Variants in SNX29 observed in about 807,000 individuals in gnomAD.
SNX29 encodes the protein sorting nexin 29.
Under a neutral mutation model 102.1 loss-of-function variants are expected in SNX29, and 78 were observed. The observed-to-expected ratio is 0.76, with a 90% confidence interval of 0.64 to 0.92. The LOEUF is 0.92. SNX29 is among the 40% of genes least tolerant of loss of function. The probability of loss-of-function intolerance (pLI) is 0.00; values close to 1 mark genes in which losing one functional copy is unlikely to be tolerated. For synonymous variants in SNX29, 580 were observed against 414.5 expected (o/e 1.40, Z -4.85); for missense variants, 1,280 against 1,061.7 (o/e 1.21, Z -2.86).
At chr16:12,119,049 T>C (rs350208) in intron 11 of SNX29, among the ~76,000 whole-genome samples, 70,480 of 151,904 alleles carry the variant, frequency 0.46, 18,064 homozygotes, top group East Asian at 0.7. Context: ...ACAATAGTGA[T>C]CCACAGCTTG....
At chr16:12,353,425 C>T (rs1029540399) in intron 15 of SNX29, among the ~76,000 whole-genome samples, 29 of 140,206 alleles carry the variant, frequency 2.1e-4, no homozygotes, top group African/African-American at 9.6e-4. Flanking sequence ...CTAAGTGCGG[C>T]ATCTCTTGCC....
intron 19 of SNX29, among the ~76,000 whole-genome samples, chr16:12,484,672 C>T (rs1316296823): frequency 6.6e-6 from 1 of 152,148 alleles, no homozygotes; most frequent in African/African-American, 2.4e-5. Flanking sequence ...CACCCTGTAC[C>T]TGGAATGGCC....
chr16:12,080,625 CCG>C (rs1182783298), intron 11 of SNX29, among the ~76,000 whole-genome samples: 1 of 152,052 alleles, frequency 6.6e-6, no homozygotes, highest in African/African-American at 2.4e-5. Context: ...AGCGATCCAC[CCG>C]CCTCAGCCTT....
At chr16:12,542,579 G>T (rs192635692) in intron 20 of SNX29, among the ~76,000 whole-genome samples, 1 of 152,106 alleles carries the variant, frequency 6.6e-6, no homozygotes, top group Non-Finnish European at 1.5e-5. Flanking sequence ...TGATCCACCC[G>T]CCTCAGCCTC....
chr16:12,114,261 A>G (rs113431681), intron 11 of SNX29, among the ~76,000 whole-genome samples: 2 of 152,196 alleles, frequency 1.3e-5, no homozygotes, highest in South Asian at 2.1e-4. Flanking sequence ...TACAGCTGCA[A>G]GTAGGCGTCC....
At chr16:12,106,234 G>C (rs1427950179) in intron 11 of SNX29, among the ~76,000 whole-genome samples, 1 of 152,156 alleles carries the variant, frequency 6.6e-6, no homozygotes, top group African/African-American at 2.4e-5. Context: ...GCTTTGCCAG[G>C]AATTGCATCG....
intron 1 of SNX29, among the ~76,000 whole-genome samples, chr16:11,991,072 G>A (rs1042507115): frequency 3.3e-5 from 5 of 152,226 alleles, no homozygotes; most frequent in African/African-American, 1.2e-4. Context: ...CCCCATTCTA[G>A]GGTATGCTAA....
intron 18 of SNX29, among the ~76,000 whole-genome samples, chr16:12,450,144 G>T (rs2086241466): frequency 6.6e-6 from 1 of 152,138 alleles, no homozygotes; most frequent in Admixed American, 6.5e-5. Flanking sequence ...TGATTCTGAG[G>T]CCTCCCCAGC....
At chr16:12,333,600 T>G (rs1458085030) in intron 15 of SNX29, among the ~76,000 whole-genome samples, 1 of 152,096 alleles carries the variant, frequency 6.6e-6, no homozygotes, top group Non-Finnish European at 1.5e-5. Flanking sequence ...CCTGGTGCTG[T>G]CTAGGTGTTG....
intron 8 of SNX29, among the ~76,000 whole-genome samples, chr16:12,060,005 C>G (rs755627664): frequency 2.6e-5 from 4 of 152,214 alleles, no homozygotes; most frequent in Middle Eastern, 3.4e-3. Context: ...TGATTATGAT[C>G]TGCTTTGGTC....
intron 18 of SNX29, among the ~76,000 whole-genome samples, chr16:12,410,246 G>A (rs959821013): frequency 6.6e-6 from 1 of 152,076 alleles, no homozygotes; most frequent in Non-Finnish European, 1.5e-5. Context: ...CACCTGCCTC[G>A]ACCTCCCAAA....
chr16:12,500,047 A>G (rs2089036656), intron 19 of SNX29, among the ~76,000 whole-genome samples: 1 of 152,058 alleles, frequency 6.6e-6, no homozygotes, highest in Non-Finnish European at 1.5e-5. Context: ...GTAGGAGTAC[A>G]GTGGCGTGAT....
At chr16:12,561,181 T>C (rs2078704178) in intron 20 of SNX29, 1 of 230,434 alleles carries the variant, frequency 4.3e-6, no homozygotes, top group Admixed American at 5.7e-5. Flanking sequence ...CAGCCTGGCA[T>C]GCTCTGATAC....
At chr16:12,464,277 G>C (rs1032554064) in intron 18 of SNX29, among the ~76,000 whole-genome samples, 1 of 149,368 alleles carries the variant, frequency 6.7e-6, no homozygotes, top group Non-Finnish European at 1.5e-5. Context: ...GCATGTTTAT[G>C]TGTGTGTATA....
At chr16:12,221,566 A>G (rs999264129) in intron 14 of SNX29, among the ~76,000 whole-genome samples, 1 of 152,224 alleles carries the variant, frequency 6.6e-6, no homozygotes, top group African/African-American at 2.4e-5. Context: ...GTAAGCCAAG[A>G]TGGCGCCACT....
At chr16:12,076,733 C>G (rs919066713) in intron 10 of SNX29, among the ~76,000 whole-genome samples, 1 of 152,192 alleles carries the variant, frequency 6.6e-6, no homozygotes, top group Non-Finnish European at 1.5e-5. Context: ...TCTTCTGTCT[C>G]TCCTCTTGGC....
chr16:12,048,423 G>A lies in SNX29; in HGVS notation c.551G>A (p.Gly184Glu), dbSNP rs2050172956. 1 of 1,613,556 alleles carries A rather than the reference G, an allele frequency of 6.2e-7. No homozygotes were observed. Among genetic ancestry groups the A allele is most frequent in the Non-Finnish European group, 8.5e-7 (1 of 1,179,828 alleles). Residue 184 changes from glycine (G) to glutamate (E), a missense_variant, in exon 7 of 21, where the codon GGG becomes GAG. Coordinates refer to ENST00000566228, the MANE Select transcript of SNX29 (RefSeq NM_032167.5). ...AINIDNKDLNGQSKFAPTVSD... is the reference protein window; with the variant it reads ...AINIDNKDLNEQSKFAPTVSD... ...AACATCGACAACAAGGATTTGAACG[G>A]GCAGAGTAAGTTTGCTCCCACCGTT...
chr16:12,194,471 G>A (rs2076720743), intron 13 of SNX29, among the ~76,000 whole-genome samples: 1 of 152,068 alleles, frequency 6.6e-6, no homozygotes, highest in African/African-American at 2.4e-5. Flanking sequence ...GTTTTTTTGG[G>A]TGGGGAGGGC....
At chr16:12,514,890 G>T (rs1209493684) in intron 19 of SNX29, among the ~76,000 whole-genome samples, 1 of 149,876 alleles carries the variant, frequency 6.7e-6, no homozygotes, top group African/African-American at 2.5e-5. Flanking sequence ...GAAAGAAAGA[G>T]AGAGAGAGAG....
Sources: allele counts gnomAD v4.1 joint callset (sites outside exome capture counted in the v4.1 genomes callset), GRCh38; gene constraint gnomAD v4.1.1; transcripts MANE v1.5; gene names NCBI Gene and HGNC (gene_info 2026-07-23, HGNC 2026-07-21).